The following DPP3 variants were observed in gnomAD, a reference collection of about 807,000 sequenced individuals.
DPP3 encodes DPP III.
Under a neutral mutation model 89.8 loss-of-function variants are expected in DPP3, and 64 were observed. The observed-to-expected ratio is 0.71, with a 90% CI of 0.58 to 0.88. The LOEUF is 0.88. DPP3 is among the 40% of genes least tolerant of loss of function. The pLI is 0.00. For missense variants in DPP3, 835 were observed against 972.5 expected (o/e 0.86, Z 1.88); for synonymous variants, 377 against 404.3 (o/e 0.93, Z 0.81).
chr11:66,508,939 A>C, intron 17 of DPP3, 140 bp from the exon 18 acceptor site: 1 of 1,078,472 alleles, frequency 9.3e-7, no homozygotes, highest in Non-Finnish European at 1.3e-6. Context: ...TAATTAACCT[A>C]AAACGTAGAG....
intron 1 of DPP3, among the ~76,000 whole-genome samples, chr11:66,481,873 CTT>C (rs900129659): frequency 2.8e-4 from 43 of 152,250 alleles, no homozygotes; most frequent in Admixed American, 2.7e-3. Flanking sequence ...GTCTTGAACT[CTT>C]GACCTCAGGT....
chr11:66,504,871 A>C, intron 17 of DPP3, 97 bp downstream of exon 17: 1 of 1,319,650 alleles, frequency 7.6e-7, no homozygotes, highest in Non-Finnish European at 1.0e-6. Flanking sequence ...CTCAATAAGA[A>C]CCTAACCCAG....
At chr11:66,489,694 G>A (rs574977680) in intron 6 of DPP3, among the ~76,000 whole-genome samples, 94 of 152,324 alleles carry the variant, frequency 6.2e-4, no homozygotes, top group Non-Finnish European at 1.1e-3. Context: ...AGCACAGTAG[G>A]AACAGCCGGT....
chr11:66,498,940 G>C (rs530099449), intron 16 of DPP3, among the ~76,000 whole-genome samples: 8 of 152,336 alleles, frequency 5.3e-5, no homozygotes, highest in African/African-American at 1.9e-4. Flanking sequence ...TTGAGCATGG[G>C]AGGTAGAGGC....
intron 6 of DPP3, among the ~76,000 whole-genome samples, chr11:66,489,340 G>A (rs1443140569): frequency 1.3e-5 from 2 of 152,024 alleles, no homozygotes; most frequent in Non-Finnish European, 2.9e-5. Context: ...TCTTCCCATC[G>A]GCACATTCAG....
At chr11:66,486,452 TAGG>T (rs1565266891) in intron 3 of DPP3, 85 bp from the exon 4 acceptor site, 1 of 1,382,748 alleles carries the variant, frequency 7.2e-7, no homozygotes, top group Non-Finnish European at 9.5e-7. Context: ...TCTTAGATCA[TAGG>T]AGAAGAGCTT....
rs559889387 is a variant in DPP3 at position 66,487,422 on chromosome 11, C to A, written c.573+80C>A. The A allele has an allele frequency of 2.9e-5, 41 of 1,431,960 alleles. No individual in the cohort carries two copies. The Middle Eastern group carries it at 5.5e-4, about 19-fold the overall frequency. 88.7% of individuals were successfully genotyped at this position (1,431,960 alleles called of 1,614,324 possible). A position where few individuals can be genotyped will look rare whatever the true frequency, so the allele number is the denominator to read the frequency against. On this transcript the variant is annotated intron_variant, in intron 5 of 17. Transcript: ENST00000531863. The stretch of plus-strand genomic sequence containing the variant: ...AGCCCCCTCACAACTGGTGACCACT[C>A]CTGGGTCTCTGCTTGACTACTCCCT...
intron 8 of DPP3, 29 bp downstream of exon 8, chr11:66,491,653 C>T: frequency 1.2e-6 from 2 of 1,609,914 alleles, no homozygotes; most frequent in Non-Finnish European, 8.5e-7. Context: ...CCCACCTGCC[C>T]CCTCCTGCCT....
At chr11:66,505,591 ATTG>A (rs1423239109) in intron 17 of DPP3, among the ~76,000 whole-genome samples, 5 of 152,274 alleles carry the variant, frequency 3.3e-5, no homozygotes, top group African/African-American at 9.6e-5. Flanking sequence ...TAAGGTAGGT[ATTG>A]TTGTTATCCC....
intron 6 of DPP3, 51 bp downstream of exon 6, chr11:66,488,058 C>G: frequency 2.6e-6 from 4 of 1,560,012 alleles, no homozygotes; most frequent in Non-Finnish European, 3.5e-6. Flanking sequence ...CATTTCCGGA[C>G]CTGGGTGGCT....
chr11:66,485,082 C>A lies in DPP3; in HGVS notation c.271-91C>A, dbSNP rs1855185860. On this transcript the variant is annotated intron_variant, in intron 2 of 17. Coordinates refer to ENST00000531863, the MANE Select transcript of DPP3 (RefSeq NM_130443.4). The stretch of plus-strand genomic sequence containing the variant: ...CATTTCCCAGCCTCACCCACACTGG[C>A]TCTGCTGGGGCATTCGCATCTCAGG... 4.8e-6 allele frequency: 6 copies of A among 1,245,620 alleles called. No individual in the cohort carries two copies. The East Asian group carries it at 1.2e-4, about 24-fold the overall frequency. The allele number at this position is 1,245,620 out of a possible 1,614,324, so 77.2% of individuals were successfully genotyped here. A position where few individuals can be genotyped will look rare whatever the true frequency, so the allele number is the denominator to read the frequency against.
chr11:66,486,223 A>G (rs1159440672), intron 3 of DPP3, among the ~76,000 whole-genome samples: 2 of 152,110 alleles, frequency 1.3e-5, no homozygotes, highest in Non-Finnish European at 2.9e-5. Flanking sequence ...GATTACAGGC[A>G]TGAGCCACTG....
intron 4 of DPP3, 27 bp downstream of exon 4, chr11:66,486,704 AC>A: frequency 6.8e-7 from 1 of 1,477,566 alleles, no homozygotes; most frequent in Middle Eastern, 1.8e-4. Context: ...CCCCGAGGGG[AC>A]AGGGAGTGGA....
At position 66,492,778 on chromosome 11, in the gene DPP3, G is replaced by C. The variant is rs367914018; in HGVS notation, c.1051G>C (p.Glu351Gln). 56 of 1,613,732 alleles carry C rather than the reference G, an allele frequency of 3.5e-5. No individual in the cohort carries two copies. The highest frequency in any genetic ancestry group is 4.7e-5 in the Non-Finnish European group (55 of 1,179,922). Residue 351 changes from glutamate to glutamine, a missense_variant, in exon 10 of 18, where the codon GAG becomes CAG. Glu to Gln is a conservative substitution (Grantham distance 29, BLOSUM62 2). Coordinates refer to ENST00000531863, the MANE Select transcript of DPP3 (RefSeq NM_130443.4). Reference sequence around the variant, plus strand: ...GTTTGAGCGGCTGGTGGCGAGCGCAGAGCAGCTGCTGAAGGAGCTGCCCTG... The same window carrying C: ...GTTTGAGCGGCTGGTGGCGAGCGCACAGCAGCTGCTGAAGGAGCTGCCCTG... Reference protein sequence around the residue: ...AKFERLVASAEQLLKELPWPP... With the variant: ...AKFERLVASAQQLLKELPWPP...
In DPP3 at chr11:66,497,336, G is replaced by T; in HGVS notation, c.1737G>T (p.Leu579Phe). ...MQARFVILRV[L>F]LEAGEGLVTI... ...CCCGGTTTGTGATCCTGAGAGTCTT[G>T]CTGGAGGCTGGCGAGGGACTCGTTA... Residue 579 changes from leucine (L) to phenylalanine (F), a missense_variant, in exon 16 of 18, where the codon TTG becomes TTT. By Grantham distance (22) the Leu-to-Phe change is conservative. Coordinates refer to ENST00000531863, the MANE Select transcript of DPP3 (RefSeq NM_130443.4). 6.2e-7 allele frequency: 1 copy of T among 1,614,022 alleles called. No individual in the cohort carries two copies.
At chr11:66,505,989 G>A (rs138644905) in intron 17 of DPP3, among the ~76,000 whole-genome samples, 3,043 of 152,080 alleles carry the variant, frequency 0.02, 90 homozygotes, top group African/African-American at 0.069. Context: ...TCACTCTGTC[G>A]CCTAGGCTGG....
At chr11:66,506,252 A>C (rs1855798671) in intron 17 of DPP3, among the ~76,000 whole-genome samples, 1 of 134,334 alleles carries the variant, frequency 7.4e-6, no homozygotes, top group South Asian at 2.4e-4. Context: ...ATACCCGGCT[A>C]TTTTATTTTA....
intron 16 of DPP3, among the ~76,000 whole-genome samples, chr11:66,503,316 A>G (rs780614133): frequency 4.6e-5 from 7 of 152,184 alleles, no homozygotes; most frequent in Non-Finnish European, 8.8e-5. Flanking sequence ...CCTTGTCTAC[A>G]TGTCAAATGA....
At chr11:66,498,020 TCTC>T (rs1855584256) in intron 16 of DPP3, among the ~76,000 whole-genome samples, 1 of 149,314 alleles carries the variant, frequency 6.7e-6, no homozygotes. Flanking sequence ...ACTGTAACCT[TCTC>T]CTGGGTTCAA....
Sources: gnomAD v4.1 joint callset for allele counts (sites outside exome capture counted in the v4.1 genomes callset) on GRCh38, gnomAD v4.1.1 for gene constraint, MANE v1.5 for transcripts, NCBI Gene and HGNC (gene_info 2026-07-23, HGNC 2026-07-21) for gene names.